PTGFRN: variants seen among roughly 807,000 people sequenced by gnomAD.
The protein encoded by PTGFRN is prostaglandin F2 receptor negative regulator.
Under a neutral mutation model 83.2 loss-of-function variants are expected in PTGFRN, and 35 were observed. That is an observed-to-expected ratio of 0.42 (90% CI 0.32 to 0.56). The LOEUF (loss-of-function observed/expected upper bound fraction) is 0.56. Among genes scored for constraint, PTGFRN ranks in the 20% least tolerant of loss-of-function variants. PTGFRN has a pLI of 0.11. For synonymous variants in PTGFRN, 519 were observed against 498.6 expected, an observed-to-expected ratio of 1.04 and a Z score of -0.55; for missense variants, 1,051 against 1,179.5, an observed-to-expected ratio of 0.89 and a Z score of 1.60.
chr1:116,935,833 A>G (rs971734248), intron 1 of PTGFRN, among the ~76,000 whole-genome samples: 1 of 152,104 alleles, frequency 6.6e-6, no homozygotes, highest in Non-Finnish European at 1.5e-5. Flanking sequence ...TTTTAATGGA[A>G]TTTTATTATG....
intron 1 of PTGFRN, among the ~76,000 whole-genome samples, chr1:116,911,810 A>G (rs1649279874): frequency 6.6e-6 from 1 of 152,150 alleles, no homozygotes; most frequent in Admixed American, 6.5e-5. Flanking sequence ...ACCCGGTGGT[A>G]GTGCTTTTAA....
chr1:116,940,740 C>A (rs1206361821), intron 1 of PTGFRN, among the ~76,000 whole-genome samples: 1 of 152,220 alleles, frequency 6.6e-6, no homozygotes, highest in African/African-American at 2.4e-5. Flanking sequence ...TCTCAGATTG[C>A]AACTTAGGTC....
rs1441919601 is a variant in PTGFRN, at chr1:116,910,281, C to T, written c.49+29C>T. On this transcript the variant is annotated intron_variant, in intron 1 of 8. Transcript: ENST00000393203. ...AGTGTGCGCGGGGCTCAGCGGGGCA[C>T]ACGGGGACTGGCGAGGCCCTGGAGG... 2.9e-6 allele frequency: 4 copies of T among 1,391,370 alleles called. No homozygotes were observed. The South Asian group carries it at 4.8e-5, about 17-fold the overall frequency. The allele number at this position is 1,391,370 out of a possible 1,614,324, so 86.2% of individuals were successfully genotyped here. A position where few individuals can be genotyped will look rare whatever the true frequency, so the allele number is the denominator to read the frequency against.
intron 1 of PTGFRN, among the ~76,000 whole-genome samples, chr1:116,925,139 G>A (rs1023925120): frequency 6.6e-6 from 1 of 151,850 alleles, no homozygotes; most frequent in African/African-American, 2.4e-5. Context: ...CAGAGAAAGC[G>A]ATAAACCAGC....
chr1:116,931,577 A>G (rs1247591115), intron 1 of PTGFRN, among the ~76,000 whole-genome samples: 1 of 150,842 alleles, frequency 6.6e-6, no homozygotes, highest in Non-Finnish European at 1.5e-5. Context: ...AAGTTCTGCC[A>G]TATGTGACTT....
Position 116,944,878 on chromosome 1 carries a change from C to T in PTGFRN, c.618C>T (p.His206=). The T allele has an allele frequency of 6.2e-7, 1 of 1,608,704 alleles. No individual in the cohort carries two copies. Among genetic ancestry groups the T allele is most frequent in the Non-Finnish European group, 8.5e-7 (1 of 1,178,566 alleles). Residue 206 remains histidine (H), a synonymous_variant, in exon 3 of 9, where the codon CAC becomes CAT. Transcript: ENST00000393203. ...CCCTGACCCACGAGGGCAGGTTCCA[C>T]CCGGGCCTGGGGTACGAGCAGCGCT... ...VLALTHEGRF[H]PGLGYEQRYH...
chr1:116,951,735 A>G (rs1176643117), intron 4 of PTGFRN, among the ~76,000 whole-genome samples: 1 of 151,952 alleles, frequency 6.6e-6, no homozygotes, highest in Admixed American at 6.6e-5. Context: ...AGCTGCTTGG[A>G]CACTTGTCAG....
At chr1:116,940,832 A>G (rs541695531) in intron 1 of PTGFRN, among the ~76,000 whole-genome samples, 11 of 152,226 alleles carry the variant, frequency 7.2e-5, no homozygotes, top group Non-Finnish European at 1.6e-4. Context: ...ATTTGGTGCA[A>G]TTGAAATGCT....
Position 116,944,784 on chromosome 1 carries a change from C to G in PTGFRN, c.524C>G (p.Ser175Trp). The G allele has an allele frequency of 1.3e-6, 2 of 1,560,396 alleles. No individual in the cohort carries two copies. The highest frequency in any genetic ancestry group is 1.7e-6 in the Non-Finnish European group (2 of 1,157,034). ...CTGCGCTGCACCGCCGCCTCCGCCT[C>G]GCCGCTGCACACGCACCTGGCGCTG... ...FELRCTAASA[S>W]PLHTHLALLW... Residue 175 changes from serine to tryptophan, a missense_variant, in exon 3 of 9, where the codon TCG (serine) becomes TGG (tryptophan). Ser to Trp is a radical substitution (Grantham distance 177). Coordinates refer to ENST00000393203, the MANE Select transcript of PTGFRN (RefSeq NM_020440.4).
At chr1:116,948,524 A>T (rs764131922) in intron 3 of PTGFRN, among the ~76,000 whole-genome samples, 29 of 152,230 alleles carry the variant, frequency 1.9e-4, no homozygotes, top group Non-Finnish European at 3.4e-4. Context: ...GACTTGACTC[A>T]AGGAAAATTG....
At position 116,924,636 on chromosome 1, in the gene PTGFRN, C is replaced by T. The variant is rs182614475; in HGVS notation, c.49+14384C>T. On this transcript the variant is annotated intron_variant, in intron 1 of 8. Transcript: ENST00000393203. The stretch of plus-strand genomic sequence containing the variant: ...TGCTGAGAACTGGTCCCTTGATTGA[C>T]GCTGTGTGTCACAGTTGCCCCAGCC... Among the ~76,000 whole-genome samples, 1,302 of 152,266 alleles carry T rather than the reference C, an allele frequency of 8.6e-3. 7 individuals are homozygous for T. The highest frequency in any genetic ancestry group is 0.031 in the Middle Eastern group (9 of 294).
intron 7 of PTGFRN, among the ~76,000 whole-genome samples, chr1:116,978,476 A>C (rs1469057421): frequency 6.6e-6 from 1 of 152,230 alleles, no homozygotes; most frequent in Non-Finnish European, 1.5e-5. Context: ...ATCCTCAATA[A>C]AATACTGGCA....
At chr1:116,924,640 G>A (rs1649612087) in intron 1 of PTGFRN, among the ~76,000 whole-genome samples, 1 of 152,210 alleles carries the variant, frequency 6.6e-6, no homozygotes, top group Admixed American at 6.5e-5. Flanking sequence ...GATTGACGCT[G>A]TGTGTCACAG....
At chr1:116,981,471 G>A (rs774612235) in intron 7 of PTGFRN, among the ~76,000 whole-genome samples, 1 of 152,204 alleles carries the variant, frequency 6.6e-6, no homozygotes, top group African/African-American at 2.4e-5. Flanking sequence ...TTTCCATTCT[G>A]TATGAAGGGG....
intron 7 of PTGFRN, among the ~76,000 whole-genome samples, chr1:116,977,939 T>G (rs1278731947): frequency 6.6e-6 from 1 of 152,110 alleles, no homozygotes; most frequent in East Asian, 1.9e-4. Flanking sequence ...CAGGAGCTGG[T>G]TTTTTGAAAA....
chr1:116,929,140 T>C (rs917133745), intron 1 of PTGFRN, among the ~76,000 whole-genome samples: 2 of 152,248 alleles, frequency 1.3e-5, no homozygotes, highest in African/African-American at 4.8e-5. Context: ...TCACCCTGTA[T>C]GCCAGATGCT....
rs1298145393 is a variant in PTGFRN, at chr1:116,971,265, T to C, written c.2060-2951T>C. On this transcript the variant is annotated intron_variant, in intron 6 of 8. Coordinates refer to ENST00000393203, the MANE Select transcript of PTGFRN (RefSeq NM_020440.4). Reference sequence around the variant, plus strand: ...ACATTAATACCACGTTTAATGACTTTACATACTTGAATTTGCTTAGCCATT... The same window carrying C: ...ACATTAATACCACGTTTAATGACTTCACATACTTGAATTTGCTTAGCCATT... Among the ~76,000 whole-genome samples the C allele has an allele frequency of 2.6e-5, 4 of 152,342 alleles. No individual in the cohort carries two copies. The East Asian group carries it at 7.7e-4, about 29-fold the overall frequency.
intron 1 of PTGFRN, among the ~76,000 whole-genome samples, chr1:116,920,579 C>G (rs1178929244): frequency 6.6e-6 from 1 of 152,130 alleles, no homozygotes; most frequent in African/African-American, 2.4e-5. Context: ...ATAAATATTG[C>G]TACTACTTTG....
chr1:116,961,366 C>T lies in PTGFRN; in HGVS notation c.1337C>T (p.Ser446Leu), dbSNP rs749956453. ...SGEANVRFTV[S>L]WYYRMNRRSD... ...GAGGCGAATGTCCGATTCACGGTTT[C>T]GTGGTACTACAGGATGAACCGGCGC... The change falls in exon 5 of 9, where the codon TCG becomes TTG. Residue 446 changes from serine (S) to leucine (L), a missense_variant. By Grantham distance (145) the Ser-to-Leu change is moderately radical. Transcript: ENST00000393203. The surrounding 1 kb of genome is among the most constrained non-coding windows in gnomAD (Gnocchi z 5.4). 18 of 1,600,574 alleles carry T rather than the reference C, an allele frequency of 1.1e-5. No homozygotes were observed. The highest frequency in any genetic ancestry group is 4.5e-5 in the East Asian group (2 of 44,638).
Sources: allele counts gnomAD v4.1 joint callset (sites outside exome capture counted in the v4.1 genomes callset), GRCh38; gene constraint gnomAD v4.1.1; non-coding constraint Gnocchi (gnomAD v3.1); transcripts MANE v1.5; gene names NCBI Gene and HGNC (gene_info 2026-07-23, HGNC 2026-07-21).